Variants in TLN2 observed in about 807,000 individuals in gnomAD.
TLN2 encodes talin 2, also known as talin-2.
A neutral mutation model predicts 294.7 loss-of-function variants in TLN2; 118 were observed. That is an observed-to-expected ratio of 0.40 (90% CI 0.34 to 0.47). TLN2 has a LOEUF of 0.47. Ranked by LOEUF, TLN2 falls within the 20% of genes least tolerant of loss-of-function variation. The pLI is 0.84. For missense variants in TLN2, 3,083 were observed against 3,282.2 expected, an observed-to-expected ratio of 0.94 and a Z score of 1.48; for synonymous variants, 1,431 against 1,304.5, an observed-to-expected ratio of 1.10 and a Z score of -2.09.
rs1256329667 is a variant in TLN2 at position 62,810,067 on chromosome 15, C to T, written c.6771+35C>T. ...CGCATGAGTCAGGGCTGGGGAGTAG[C>T]TGTGTCCCTCTAGCTGTCCTGGCTG... On this transcript the variant is annotated intron_variant, in intron 52 of 58. Transcript: ENST00000636159. 4.5e-6 allele frequency: 7 copies of T among 1,541,142 alleles called. No individual in the cohort carries two copies. In the East Asian group the frequency reaches 1.6e-4, roughly 35 times the overall value.
At chr15:62,561,399 C>G (rs1371006244) in intron 1 of TLN2, 1 of 152,236 alleles carries the variant, frequency 6.6e-6, no homozygotes, top group Admixed American at 6.5e-5. Flanking sequence ...TAACAGCTAA[C>G]GCCTTCGCGA....
At chr15:62,415,411 T>G (rs1175671399) in intron 1 of TLN2, among the ~76,000 whole-genome samples, 1 of 142,544 alleles carries the variant, frequency 7.0e-6, no homozygotes, top group African/African-American at 2.5e-5. Flanking sequence ...TGATGAACAT[T>G]CTGCTGCTGA....
At chr15:62,502,962 G>A (rs2039385253) in intron 1 of TLN2, among the ~76,000 whole-genome samples, 1 of 152,174 alleles carries the variant, frequency 6.6e-6, no homozygotes, top group Non-Finnish European at 1.5e-5. Flanking sequence ...GCCTGCAAGA[G>A]TTGACTTCAC....
intron 1 of TLN2, among the ~76,000 whole-genome samples, chr15:62,501,886 T>C (rs2039327956): frequency 6.6e-6 from 1 of 152,192 alleles, no homozygotes; most frequent in African/African-American, 2.4e-5. Flanking sequence ...GTAGGGAACT[T>C]AGTGAATGGG....
chr15:62,750,811 A>G (rs1415804397), intron 34 of TLN2, among the ~76,000 whole-genome samples: 1 of 152,046 alleles, frequency 6.6e-6, no homozygotes, highest in Non-Finnish European at 1.5e-5. Context: ...TTTGAGAACC[A>G]TTTCCTCTCT....
chr15:62,693,439 C>T (rs559938160), intron 13 of TLN2, among the ~76,000 whole-genome samples: 8 of 152,194 alleles, frequency 5.3e-5, no homozygotes, highest in Admixed American at 1.3e-4. Flanking sequence ...TTCTGCAGCA[C>T]ATATTTGTGT....
chr15:62,631,089 A>G (rs551858942), intron 3 of TLN2, among the ~76,000 whole-genome samples: 1 of 152,330 alleles, frequency 6.6e-6, no homozygotes, highest in South Asian at 2.1e-4. Context: ...ATATGGATAT[A>G]TAACCAAAGG....
intron 1 of TLN2, among the ~76,000 whole-genome samples, chr15:62,413,557 A>C (rs567380979): frequency 6.6e-6 from 1 of 152,370 alleles, no homozygotes; most frequent in South Asian, 2.1e-4. Context: ...TACGGAACAC[A>C]GAACAGGGAA....
chr15:62,686,918 G>A, intron 12 of TLN2, 122 bp downstream of exon 12: 1 of 1,334,316 alleles, frequency 7.5e-7, no homozygotes, highest in South Asian at 1.5e-5. Flanking sequence ...AGCGTGGAGT[G>A]AGGAAGATGG....
intron 2 of TLN2, among the ~76,000 whole-genome samples, chr15:62,604,088 A>T (rs1224074280): frequency 6.6e-6 from 1 of 152,344 alleles, no homozygotes; most frequent in Non-Finnish European, 1.5e-5. Context: ...ATGAAATATA[A>T]TTCATTTGGT....
chr15:62,573,143 T>C lies in TLN2; in HGVS notation c.-237-16544T>C, dbSNP rs2044048357. Among the ~76,000 whole-genome samples, 3 of 152,002 alleles carry C rather than the reference T, an allele frequency of 2.0e-5. No individual in the cohort carries two copies. In the South Asian group the frequency reaches 6.3e-4, roughly 32 times the overall value. On this transcript the variant is annotated intron_variant, in intron 1 of 58. Coordinates refer to ENST00000636159, the MANE Select transcript of TLN2 (RefSeq NM_015059.3). ...TAACCACATCCTGAGCCAGGTGTGGTTTCCCCAGAAATGCTACCCCCTTGA... is the reference window on the plus strand; with the variant it reads ...TAACCACATCCTGAGCCAGGTGTGGCTTCCCCAGAAATGCTACCCCCTTGA...
chr15:62,808,868 C>T (rs1420210199), intron 51 of TLN2, among the ~76,000 whole-genome samples: 1 of 152,216 alleles, frequency 6.6e-6, no homozygotes, highest in Non-Finnish European at 1.5e-5. Context: ...GAATTAGCCC[C>T]ACTCTGTCCA....
intron 1 of TLN2, among the ~76,000 whole-genome samples, chr15:62,566,532 A>G (rs1265936463): frequency 6.6e-6 from 1 of 151,944 alleles, no homozygotes; most frequent in African/African-American, 2.4e-5. Flanking sequence ...CTGGATGACC[A>G]GGCTTAGGAG....
chr15:62,755,305 C>A, intron 36 of TLN2: 1 of 509,996 alleles, frequency 2.0e-6, no homozygotes, highest in Non-Finnish European at 3.4e-6. Context: ...CCTATCCCAC[C>A]ACTATGTCAG....
rs1217072576 is a variant in TLN2, at chr15:62,834,904, C to T, written c.7129-833C>T. On this transcript the variant is annotated intron_variant, in intron 55 of 58. Transcript: ENST00000636159. ...CATGGCAGAGTCCCTATCTGTCCTC[C>T]AACGAACTTACGTGTTCAAGCATTT... The T allele has an allele frequency of 2.0e-5, 3 of 152,302 alleles. No individual in the cohort carries two copies. In the East Asian group the frequency reaches 5.8e-4, roughly 29 times the overall value. The allele number at this position is 152,302 out of a possible 1,614,324, so 9.4% of individuals were successfully genotyped here. A position where few individuals can be genotyped will look rare whatever the true frequency, so the allele number is the denominator to read the frequency against.
chr15:62,705,416 A>G (rs912490892), intron 19 of TLN2, among the ~76,000 whole-genome samples: 1 of 152,196 alleles, frequency 6.6e-6, no homozygotes, highest in East Asian at 1.9e-4. Flanking sequence ...CACTGGCTAT[A>G]TAATAGTGGT....
intron 24 of TLN2, 140 bp from the exon 25 acceptor site, chr15:62,719,627 C>G: frequency 1.7e-6 from 1 of 572,538 alleles, no homozygotes; most frequent in Non-Finnish European, 3.0e-6. Context: ...GCTTAATGTG[C>G]AGTGTCTATC....
At position 62,708,696 on chromosome 15, in the gene TLN2, G is replaced by A; in HGVS notation, c.2367G>A (p.Arg789=). 1 of 1,613,974 alleles carries A rather than the reference G, an allele frequency of 6.2e-7. No individual in the cohort carries two copies. The highest frequency in any genetic ancestry group is 1.3e-5 in the African/African-American group (1 of 75,068). The change falls in exon 21 of 59, where the codon CGG becomes CGA. Residue 789 remains arginine, a synonymous_variant. Transcript: ENST00000636159. ...TCCATGATCTCCTGCAGCATGTGCG[G>A]CAGTTTGCCAGCCGAGGCGAGCCCA... ...QALHDLLQHV[R]QFASRGEPIG...
rs138031664 is a variant in TLN2 at position 62,477,249 on chromosome 15, G to GA, written c.-238+86565dup. Among the ~76,000 whole-genome samples, 193 of 152,360 alleles carry GA rather than the reference G, an allele frequency of 1.3e-3. 1 individual carries two copies. The East Asian group carries it at 0.031, about 25-fold the overall frequency. ...ACTCAGTAGGTCTGGGTGGGCCTGA[G>GA]AGTCTGCATTTCTAACAAGATACAG... On this transcript the variant is annotated intron_variant, in intron 1 of 58. Coordinates refer to ENST00000636159, the MANE Select transcript of TLN2 (RefSeq NM_015059.3).
Sources: allele counts gnomAD v4.1 joint callset (sites outside exome capture counted in the v4.1 genomes callset), GRCh38; gene constraint gnomAD v4.1.1; transcripts MANE v1.5; gene names NCBI Gene and HGNC (gene_info 2026-07-23, HGNC 2026-07-21).